The following DDX11 variants were observed in gnomAD, a reference collection of about 807,000 sequenced individuals.
The protein encoded by DDX11 is ATP-dependent DNA helicase DDX11.
In DDX11, 72 loss-of-function variants were observed where a neutral mutation model predicts 125.2. That is an observed-to-expected ratio of 0.58 (90% CI 0.48 to 0.70). The LOEUF is 0.70. DDX11 is among the 30% of genes least tolerant of loss of function. The probability of loss-of-function intolerance (pLI) is 0.00; values close to 1 mark genes in which losing one functional copy is unlikely to be tolerated. For synonymous variants in DDX11, 347 were observed against 452.6 expected (o/e 0.77, Z 2.96); for missense variants, 883 against 1,165.0 (o/e 0.76, Z 3.52).
chr12:31,078,980 C>T (rs1941304196), intron 2 of DDX11, among the ~76,000 whole-genome samples: 1 of 152,156 alleles, frequency 6.6e-6, no homozygotes. Context: ...AGTCACCGTG[C>T]CCGGCCTAAA....
intron 1 of DDX11, among the ~76,000 whole-genome samples, chr12:31,074,527 C>G (rs7305663): frequency 0.53 from 80,921 of 152,046 alleles, 22,653 homozygotes; most frequent in East Asian, 0.82. Flanking sequence ...AATGAGTGCA[C>G]TTGACCAGAT....
At chr12:31,077,460 T>C (rs1386434730) in intron 1 of DDX11, among the ~76,000 whole-genome samples, 1 of 152,084 alleles carries the variant, frequency 6.6e-6, no homozygotes, top group Non-Finnish European at 1.5e-5. Context: ...CTCATAGGTC[T>C]AGAGGCCAGA....
intron 1 of DDX11, among the ~76,000 whole-genome samples, chr12:31,075,287 A>C (rs1940544612): frequency 9.2e-6 from 1 of 109,158 alleles, no homozygotes; most frequent in Non-Finnish European, 1.8e-5. Flanking sequence ...CTGATGGGGA[A>C]GTGAAATAAT....
chr12:31,089,706 T>C (rs1315024415), intron 8 of DDX11, 180 bp from the exon 9 acceptor site: 37 of 1,297,236 alleles, frequency 2.9e-5, no homozygotes, highest in Non-Finnish European at 4.0e-5. Flanking sequence ...ACGGGCTCTT[T>C]CTGGAGAACA....
intron 2 of DDX11, among the ~76,000 whole-genome samples, chr12:31,078,881 G>T (rs1431114441): frequency 2.0e-5 from 3 of 151,988 alleles, no homozygotes; most frequent in African/African-American, 7.3e-5. Flanking sequence ...TAGAGACAGG[G>T]TTTCACCGTG....
chr12:31,097,023 C>T, intron 17 of DDX11, 33 bp downstream of exon 17: 1 of 1,612,160 alleles, frequency 6.2e-7, no homozygotes, highest in Non-Finnish European at 8.5e-7. Context: ...GGTTCAGTTC[C>T]CAGGAAGGAG....
At chr12:31,077,901 A>G in intron 1 of DDX11, 1 of 293,336 alleles carries the variant, frequency 3.4e-6, no homozygotes, top group South Asian at 3.2e-5. Context: ...TCCAAACAAC[A>G]AGCTGTGCTT....
intron 14 of DDX11, among the ~76,000 whole-genome samples, chr12:31,095,247 C>A (rs1945021678): frequency 6.6e-6 from 1 of 152,224 alleles, no homozygotes; most frequent in Non-Finnish European, 1.5e-5. Flanking sequence ...AGATGAAACA[C>A]GGCCACTGCC....
At chr12:31,094,154 G>A in intron 12 of DDX11, 1 of 284,402 alleles carries the variant, frequency 3.5e-6, no homozygotes, top group Non-Finnish European at 6.8e-6. Context: ...CCCCTTGGAA[G>A]GCGTCTGTGG....
chr12:31,094,225 T>C lies in DDX11; in HGVS notation c.1370-365T>C, dbSNP rs563636109. 14 of 348,766 alleles carry C rather than the reference T, an allele frequency of 4.0e-5. 1 individual carries two copies. Among genetic ancestry groups the C allele is most frequent in the South Asian group, 3.1e-4 (13 of 41,966 alleles). 21.6% of individuals were successfully genotyped at this position (348,766 alleles called of 1,614,324 possible). On this transcript the variant is annotated intron_variant, in intron 12 of 26. Coordinates refer to ENST00000542838, the MANE Select transcript of DDX11 (RefSeq NM_030653.4). The stretch of plus-strand genomic sequence containing the variant: ...GCGGGAGCTGGTCTCGTGTTGCTGC[T>C]CTGAGCCACCAGCTCTGCTTTGCCT...
chr12:31,086,190 C>T (rs1943112810), intron 5 of DDX11: 6 of 448,256 alleles, frequency 1.3e-5, no homozygotes, highest in South Asian at 9.5e-5. Context: ...AGATGTCTTC[C>T]TCTCCTTTAA....
intron 6 of DDX11, among the ~76,000 whole-genome samples, chr12:31,088,303 G>T (rs1943532018): frequency 6.6e-6 from 1 of 152,008 alleles, no homozygotes; most frequent in South Asian, 2.1e-4. Flanking sequence ...TGGGTTCGGG[G>T]CCTGGGGAGA....
At chr12:31,089,812 C>T in intron 8 of DDX11, 74 bp from the exon 9 acceptor site, 2 of 1,559,444 alleles carry the variant, frequency 1.3e-6, no homozygotes, top group Non-Finnish European at 8.7e-7. Flanking sequence ...CTCAACATTA[C>T]ACAACCCCCT....
At chr12:31,103,493 A>C (rs1423272460) in intron 25 of DDX11, 84 bp from the exon 26 acceptor site, 78 of 1,608,352 alleles carry the variant, frequency 4.8e-5, no homozygotes, top group Admixed American at 1.2e-4. Flanking sequence ...TATAAGTCTG[A>C]GGAAGGGGAG....
At position 31,104,088 on chromosome 12, in the gene DDX11, A is replaced by G; in HGVS notation, c.*252A>G. The G allele has an allele frequency of 6.6e-7, 1 of 1,517,236 alleles. No homozygotes were observed. The highest frequency in any genetic ancestry group is 8.8e-7 in the Non-Finnish European group (1 of 1,131,258). 94.0% of individuals were successfully genotyped at this position (1,517,236 alleles called of 1,614,324 possible). A position where few individuals can be genotyped will look rare whatever the true frequency, so the allele number is the denominator to read the frequency against. On this transcript the variant is annotated 3_prime_UTR_variant, in exon 27 of 27. Transcript: ENST00000542838. ...TCCAGGGCAGCTCCCCTCCTGGAATAGAATCTTTCTTTCCATCCTGCATGG... is the reference window on the plus strand; with the variant it reads ...TCCAGGGCAGCTCCCCTCCTGGAATGGAATCTTTCTTTCCATCCTGCATGG...
chr12:31,076,366 C>T (rs928162587), intron 1 of DDX11, among the ~76,000 whole-genome samples: 2 of 152,146 alleles, frequency 1.3e-5, no homozygotes, highest in African/African-American at 4.8e-5. Context: ...TCTTGAAGTC[C>T]GAGCTGCCTT....
intron 24 of DDX11, 143 bp downstream of exon 24, chr12:31,103,163 A>G (rs1019582253): frequency 1.5e-6 from 2 of 1,313,798 alleles, no homozygotes; most frequent in African/African-American, 2.9e-5. Flanking sequence ...GCCCCTCCAC[A>G]CCCTCTTGAT....
chr12:31,085,156 C>T, intron 5 of DDX11, 30 bp downstream of exon 5: 1 of 1,550,402 alleles, frequency 6.4e-7, no homozygotes, highest in Non-Finnish European at 8.7e-7. Flanking sequence ...ACTACCCTGC[C>T]CCAGGCCAGG....
chr12:31,103,431 G>C (rs768371382), intron 25 of DDX11, 36 bp downstream of exon 25: 1 of 1,603,168 alleles, frequency 6.2e-7, no homozygotes, highest in Non-Finnish European at 8.5e-7. Context: ...TGGACAGATG[G>C]GGGCTGGAGA....
Sources: gnomAD v4.1 joint callset for allele counts (sites outside exome capture counted in the v4.1 genomes callset) on GRCh38, gnomAD v4.1.1 for gene constraint, MANE v1.5 for transcripts, NCBI Gene and HGNC (gene_info 2026-07-23, HGNC 2026-07-21) for gene names.